Variants in CAPN5 observed in about 807,000 individuals in gnomAD.
The protein encoded by CAPN5 is calpain-5.
In CAPN5, 54 loss-of-function variants were observed where a neutral mutation model predicts 73.0. The ratio of observed to expected loss-of-function variants is 0.74; its 90% CI spans 0.59 to 0.93. The LOEUF (loss-of-function observed/expected upper bound fraction) is 0.93, where lower values mean the gene tolerates loss of function less well. Among genes scored for constraint, CAPN5 ranks in the 40% least tolerant of loss-of-function variants. The pLI is 0.00. For synonymous variants in CAPN5, 335 were observed against 356.9 expected, an observed-to-expected ratio of 0.94 and a Z score of 0.69; for missense variants, 785 against 882.9, an observed-to-expected ratio of 0.89 and a Z score of 1.41.
intron 3 of CAPN5, chr11:77,102,832 C>T (rs1555039087): frequency 6.4e-7 from 1 of 1,568,714 alleles, no homozygotes; most frequent in Admixed American, 1.8e-5. Flanking sequence ...GGCAGCAGCA[C>T]TTGGGCCATG....
chr11:77,111,754 A>G (rs1950412587), intron 3 of CAPN5, among the ~76,000 whole-genome samples: 2 of 152,202 alleles, frequency 1.3e-5, no homozygotes, highest in African/African-American at 4.8e-5. Flanking sequence ...AGAGTTACTT[A>G]ATTATAACTT....
intron 5 of CAPN5, 120 bp from the exon 6 acceptor site, chr11:77,115,275 G>C: frequency 1.4e-6 from 1 of 732,826 alleles, no homozygotes; most frequent in East Asian, 2.7e-5. Context: ...ACTGCCCCAT[G>C]ACTGCAATTC....
chr11:77,108,276 G>A (rs1402267129), intron 3 of CAPN5, among the ~76,000 whole-genome samples: 1 of 152,214 alleles, frequency 6.6e-6, no homozygotes, highest in Non-Finnish European at 1.5e-5. Context: ...CAGTGGGCAG[G>A]GAAAAGAGAG....
chr11:77,085,126 C>A, intron 2 of CAPN5, 75 bp downstream of exon 2: 3 of 1,360,562 alleles, frequency 2.2e-6, no homozygotes, highest in South Asian at 1.2e-5. Context: ...GCAGGGACAT[C>A]GGGGTGGTGG....
intron 2 of CAPN5, chr11:77,088,149 C>G (rs1186991401): frequency 2.3e-6 from 3 of 1,284,294 alleles, no homozygotes; most frequent in Non-Finnish European, 3.1e-6. Context: ...CCTGGAGGTC[C>G]TTTGGTGGAA....
chr11:77,097,885 C>T (rs1262499031), intron 3 of CAPN5, among the ~76,000 whole-genome samples: 1 of 79,794 alleles, frequency 1.3e-5, no homozygotes. Context: ...TACACAGACA[C>T]GGCAACCATC....
intron 1 of CAPN5, among the ~76,000 whole-genome samples, chr11:77,080,053 A>C (rs1950013376): frequency 6.6e-6 from 1 of 152,184 alleles, no homozygotes. Context: ...GGGGTAAGAC[A>C]ACTGTTTTTC....
At position 77,093,608 on chromosome 11, in the gene CAPN5, T is replaced by A. The variant is rs1424291388; in HGVS notation, c.166-74T>A. On this transcript the variant is annotated intron_variant, in intron 2 of 12. Coordinates refer to ENST00000648180, the MANE Select transcript of CAPN5 (RefSeq NM_004055.5). ...AGTCTGTGTCTGTCACGTCTGTGTC[T>A]GTCATGTCTCCTGCCATGGGGGGCA... 2.9e-6 allele frequency: 4 copies of A among 1,357,926 alleles called. No individual in the cohort carries two copies. The African/African-American group carries it at 4.5e-5, about 15-fold the overall frequency. 84.1% of individuals were successfully genotyped at this position (1,357,926 alleles called of 1,614,324 possible).
chr11:77,122,379 G>A (rs1283587925), intron 11 of CAPN5, among the ~76,000 whole-genome samples, 197 bp from the exon 12 acceptor site: 2 of 152,174 alleles, frequency 1.3e-5, no homozygotes, highest in East Asian at 3.9e-4. Flanking sequence ...TGTGGGTAAA[G>A]CTCTGGAGGC....
intron 8 of CAPN5, 101 bp downstream of exon 8, chr11:77,118,453 C>A: frequency 9.7e-7 from 1 of 1,030,122 alleles, no homozygotes; most frequent in South Asian, 1.6e-5. Flanking sequence ...TAATCCCTGT[C>A]CTTCCTTGGG....
At chr11:77,112,040 T>C (rs1426351973) in intron 3 of CAPN5, among the ~76,000 whole-genome samples, 2 of 152,048 alleles carry the variant, frequency 1.3e-5, no homozygotes, top group African/African-American at 4.8e-5. Context: ...GGTTGGTCTA[T>C]GTGGGGCGAG....
chr11:77,117,838 G>A (rs980810564), intron 7 of CAPN5, among the ~76,000 whole-genome samples: 10 of 152,216 alleles, frequency 6.6e-5, no homozygotes, highest in African/African-American at 1.9e-4. Context: ...AACAGCCAGC[G>A]TTTGCCAGTG....
chr11:77,074,423 G>C (rs1949946508), intron 1 of CAPN5, among the ~76,000 whole-genome samples: 10 of 151,990 alleles, frequency 6.6e-5, no homozygotes, highest in Admixed American at 5.9e-4. Context: ...ATTGTACCCT[G>C]CTGTGCCCTT....
intron 3 of CAPN5, among the ~76,000 whole-genome samples, chr11:77,106,654 C>G (rs1400736277): frequency 6.6e-6 from 1 of 152,216 alleles, no homozygotes; most frequent in African/African-American, 2.4e-5. Context: ...ACCAAGTGCT[C>G]GAGCTTCCCG....
At chr11:77,070,371 G>T (rs1343768164) in intron 1 of CAPN5, among the ~76,000 whole-genome samples, 1 of 152,216 alleles carries the variant, frequency 6.6e-6, no homozygotes, top group Non-Finnish European at 1.5e-5. Context: ...TGACCCACCT[G>T]CCCTGCCCAG....
intron 3 of CAPN5, among the ~76,000 whole-genome samples, chr11:77,098,447 C>T (rs1381361150): frequency 2.5e-4 from 26 of 103,198 alleles, no homozygotes; most frequent in African/African-American, 1.1e-3. Context: ...CCAGTAGGGG[C>T]GGCCGGGCAG....
intron 3 of CAPN5, among the ~76,000 whole-genome samples, chr11:77,102,636 G>T (rs1950297818): frequency 6.6e-6 from 1 of 152,262 alleles, no homozygotes; most frequent in Non-Finnish European, 1.5e-5. Context: ...GCGGGGACTG[G>T]AGTGGAGGCA....
chr11:77,107,277 G>T (rs1019999936), intron 3 of CAPN5, among the ~76,000 whole-genome samples: 1 of 152,178 alleles, frequency 6.6e-6, no homozygotes. Flanking sequence ...ACTCACAAAG[G>T]CCCGTGGCTT....
rs1555035207 is a variant in CAPN5, at chr11:77,084,946, C to T, written c.60C>T (p.Cys20=). Residue 20 remains cysteine, a synonymous_variant, in exon 2 of 13, where the codon TGC becomes TGT. Transcript: ENST00000648180. ...DQNYSALRRD[C]RRRKVLFEDP... ...ACTACTCAGCCCTGAGGCGGGACTG[C>T]CGGCGCAGGAAGGTGCTCTTCGAGG... 1 of 1,613,840 alleles carries T rather than the reference C, an allele frequency of 6.2e-7. No individual in the cohort carries two copies. Among genetic ancestry groups the T allele is most frequent in the South Asian group, 1.1e-5 (1 of 91,080 alleles).
Sources: allele counts gnomAD v4.1 joint callset (sites outside exome capture counted in the v4.1 genomes callset), GRCh38; gene constraint gnomAD v4.1.1; transcripts MANE v1.5; gene names NCBI Gene and HGNC (gene_info 2026-07-23, HGNC 2026-07-21).